Variants in TMEM117 observed in about 807,000 individuals in gnomAD.
TMEM117 encodes the protein transmembrane protein 117.
TMEM117 carries 27 observed loss-of-function variants against 52.4 expected under a neutral mutation model. The observed-to-expected ratio is 0.51, with a 90% CI of 0.38 to 0.71. TMEM117 has a LOEUF of 0.71. Ranked by LOEUF, TMEM117 falls within the 30% of genes least tolerant of loss-of-function variation. The pLI, the probability that TMEM117 is intolerant of heterozygous loss-of-function variation, is 0.00. For missense variants in TMEM117, 556 were observed against 630.5 expected, an observed-to-expected ratio of 0.88 and a Z score of 1.26; for synonymous variants, 215 against 206.3, an observed-to-expected ratio of 1.04 and a Z score of -0.36.
intron 7 of TMEM117, among the ~76,000 whole-genome samples, chr12:44,387,804 T>G (rs543636237): frequency 6.6e-6 from 1 of 152,214 alleles, no homozygotes; most frequent in African/African-American, 2.4e-5. Context: ...AATTACTGGC[T>G]CAGGGACCTA....
chr12:43,972,182 T>C (rs954419305), intron 3 of TMEM117, among the ~76,000 whole-genome samples: 1 of 152,186 alleles, frequency 6.6e-6, no homozygotes, highest in African/African-American at 2.4e-5. Context: ...GGAGATACTA[T>C]GGGAGAAGAC....
chr12:44,292,808 G>C (rs1172575466), intron 5 of TMEM117, among the ~76,000 whole-genome samples: 1 of 151,880 alleles, frequency 6.6e-6, no homozygotes, highest in Non-Finnish European at 1.5e-5. Context: ...TCATACTATT[G>C]TGGTCAGAAA....
At chr12:43,797,325 T>C in the TMEM117 span, 1 of 1,594,858 alleles carries the variant, frequency 6.3e-7, no homozygotes, top group South Asian at 1.2e-5. Context: ...ATAGTCTCCT[T>C]CATGGGAATG....
chr12:43,967,071 C>T (rs1170442536), intron 3 of TMEM117, among the ~76,000 whole-genome samples: 1 of 151,956 alleles, frequency 6.6e-6, no homozygotes, highest in African/African-American at 2.4e-5. Context: ...AGGTCGAACC[C>T]AGTGGATCCT....
chr12:43,833,817 G>A (rs1369414837), upstream of TMEM117, among the ~76,000 whole-genome samples: 1 of 151,706 alleles, frequency 6.6e-6, no homozygotes, highest in African/African-American at 2.4e-5. Flanking sequence ...AATAGGCTGG[G>A]CATGGTGGCT....
intron 5 of TMEM117, among the ~76,000 whole-genome samples, chr12:44,228,549 G>A (rs986606291): frequency 5.3e-5 from 8 of 152,100 alleles, no homozygotes; most frequent in African/African-American, 1.9e-4. Context: ...AATGGCATAT[G>A]TCATAAAGAA....
At chr12:44,059,972 C>T (rs533745065) in intron 3 of TMEM117, among the ~76,000 whole-genome samples, 7 of 152,204 alleles carry the variant, frequency 4.6e-5, no homozygotes, top group Admixed American at 1.3e-4. Context: ...TCTGCTATAA[C>T]GAAGTTTAGG....
At chr12:44,268,893 C>T (rs533364237) in intron 5 of TMEM117, among the ~76,000 whole-genome samples, 114 of 152,154 alleles carry the variant, frequency 7.5e-4, no homozygotes, top group South Asian at 1.7e-3. Flanking sequence ...ATCACAGTTC[C>T]CTCCTCCCTT....
the TMEM117 span, among the ~76,000 whole-genome samples, chr12:44,395,717 T>C: frequency 6.6e-6 from 1 of 152,204 alleles, no homozygotes; most frequent in African/African-American, 2.4e-5. Context: ...TCTTACAGTC[T>C]TCAGCATATT....
chr12:43,801,654 TTCTCAGATTTATTACAATTATTAC>T, the TMEM117 span, among the ~76,000 whole-genome samples: 1 of 152,176 alleles, frequency 6.6e-6, no homozygotes, highest in South Asian at 2.1e-4. Flanking sequence ...GTTCAATTAG[TTCTCAGATTTATTACAATTATTAC>T]TCTCAGGGCC....
intron 6 of TMEM117, among the ~76,000 whole-genome samples, chr12:44,332,827 C>T: frequency 1.3e-5 from 2 of 151,636 alleles, no homozygotes; most frequent in East Asian, 1.9e-4. Context: ...CATTTCCCAG[C>T]ATTTTCATAG....
chr12:44,231,327 A>G (rs550708493), intron 5 of TMEM117, among the ~76,000 whole-genome samples: 1 of 151,612 alleles, frequency 6.6e-6, no homozygotes, highest in South Asian at 2.1e-4. Flanking sequence ...TTTCGTTTTC[A>G]TTATTGCATT....
Position 44,369,809 on chromosome 12 carries a change from T to C in TMEM117, c.769-6786T>C, listed in dbSNP as rs1034634773. Among the ~76,000 whole-genome samples, 4 of 152,312 alleles carry C rather than the reference T, an allele frequency of 2.6e-5. No individual in the cohort carries two copies. The South Asian group carries it at 8.3e-4, about 32-fold the overall frequency. On this transcript the variant is annotated intron_variant, in intron 6 of 7. Transcript: ENST00000266534. The stretch of plus-strand genomic sequence containing the variant: ...TAGATTTTTCTCCACAGATTTTAAA[T>C]TCTTTAAATAGCATAAGTTCCTCCT...
At chr12:44,298,131 A>G (rs1341932465) in intron 5 of TMEM117, among the ~76,000 whole-genome samples, 1 of 148,602 alleles carries the variant, frequency 6.7e-6, no homozygotes, top group Admixed American at 6.6e-5. Flanking sequence ...CCATTATATT[A>G]AAGTATAACT....
rs527766773 is a variant in TMEM117 at position 44,191,389 on chromosome 12, A to G, written c.511-19901A>G. Among the ~76,000 whole-genome samples, 100 of 151,648 alleles carry G rather than the reference A, an allele frequency of 6.6e-4. 1 individual carries two copies. Among genetic ancestry groups the G allele is most frequent in the African/African-American group, 2.3e-3 (96 of 41,336 alleles). On this transcript the variant is annotated intron_variant, in intron 4 of 7. Transcript: ENST00000266534. ...TGTCTGTCTGTCTGTCTGTCTGTCT[A>G]TCTATGTATCAATCATTTATCTATC...
At chr12:44,169,279 G>C (rs1184580448) in intron 4 of TMEM117, among the ~76,000 whole-genome samples, 1 of 152,154 alleles carries the variant, frequency 6.6e-6, no homozygotes, top group African/African-American at 2.4e-5. Context: ...CTGCCATTTT[G>C]TTTTCCACTG....
chr12:43,809,094 C>T, the TMEM117 span, among the ~76,000 whole-genome samples: 1 of 152,224 alleles, frequency 6.6e-6, no homozygotes, highest in Admixed American at 6.5e-5. Flanking sequence ...TTTAAAATCA[C>T]AGCGTCCATA....
the TMEM117 span, among the ~76,000 whole-genome samples, chr12:43,810,985 T>A: frequency 6.6e-6 from 1 of 152,226 alleles, no homozygotes. Context: ...TGTTCAAAAG[T>A]AATTTATTAA....
At chr12:44,246,945 A>G (rs1229291893) in intron 5 of TMEM117, among the ~76,000 whole-genome samples, 1 of 152,216 alleles carries the variant, frequency 6.6e-6, no homozygotes, top group Non-Finnish European at 1.5e-5. Context: ...GTTTTGAGTG[A>G]CAGTCACTCA....
Sources: allele counts gnomAD v4.1 joint callset (sites outside exome capture counted in the v4.1 genomes callset), GRCh38; gene constraint gnomAD v4.1.1; transcripts MANE v1.5; gene names NCBI Gene and HGNC (gene_info 2026-07-23, HGNC 2026-07-21).